Variants in ITGAV observed in about 807,000 individuals in gnomAD.
ITGAV encodes the protein integrin subunit alpha V.
In ITGAV, 76 loss-of-function variants were observed where a neutral mutation model predicts 143.8. The observed-to-expected ratio is 0.53, with a 90% CI of 0.44 to 0.64. ITGAV has a LOEUF of 0.64. Among genes scored for constraint, ITGAV ranks in the 30% least tolerant of loss-of-function variants. The pLI is 0.00. For synonymous variants in ITGAV, 453 were observed against 446.7 expected (o/e 1.01, Z -0.18); for missense variants, 1,193 against 1,274.7 (o/e 0.94, Z 0.98).
At chr2:186,663,963 C>T in intron 19 of ITGAV, 128 bp downstream of exon 19, 1 of 640,162 alleles carries the variant, frequency 1.6e-6, no homozygotes, top group Non-Finnish European at 2.7e-6. Context: ...TTTTCTATAA[C>T]ACTAAAACTA....
At chr2:186,592,042 G>C (rs1456504225) in intron 1 of ITGAV, among the ~76,000 whole-genome samples, 1 of 152,168 alleles carries the variant, frequency 6.6e-6, no homozygotes, top group East Asian at 1.9e-4. Context: ...ACCTTCATGA[G>C]ACAGAACATT....
chr2:186,603,403 TA>T (rs1686967956), intron 2 of ITGAV, among the ~76,000 whole-genome samples: 1 of 152,188 alleles, frequency 6.6e-6, no homozygotes, highest in Non-Finnish European at 1.5e-5. Flanking sequence ...AAATGATTGT[TA>T]GTCATTAAGC....
intron 5 of ITGAV, among the ~76,000 whole-genome samples, chr2:186,631,196 A>G (rs1016333858): frequency 6.6e-6 from 1 of 152,150 alleles, no homozygotes; most frequent in Non-Finnish European, 1.5e-5. Context: ...ATTTTTAATT[A>G]AAGTTGTTTT....
chr2:186,649,937 G>T, intron 14 of ITGAV, 52 bp downstream of exon 14: 6 of 1,193,224 alleles, frequency 5.0e-6, no homozygotes, highest in South Asian at 4.6e-5. Flanking sequence ...TTATTTGAAC[G>T]TTTTTTAATT....
Position 186,666,731 on chromosome 2 carries a change from C to A in ITGAV, c.2194C>A (p.His732Asn). The A allele has an allele frequency of 6.3e-7, 1 of 1,586,232 alleles. No individual in the cohort carries two copies. The highest frequency in any genetic ancestry group is 8.6e-7 in the Non-Finnish European group (1 of 1,168,730). Residue 732 changes from histidine (H) to asparagine (N), a missense_variant, in exon 22 of 30, where the codon CAC becomes AAC. Coordinates refer to ENST00000261023, the MANE Select transcript of ITGAV (RefSeq NM_002210.5). ...QLLAGLRFSV[H>N]QQSEMDTSVK... is the part of the protein sequence containing the mutation. ...CTTAGCTGGTCTTCGTTTCAGTGTG[C>A]ACCAGCAGTCAGAGATGGATACTTC...
rs1165065296 is a variant in ITGAV, at chr2:186,677,536, G to A, written c.*244G>A. ...TTAAATAATAAAATTTCAAGGGATA[G>A]TTTTTATTCAATGTATATAAGACAG... On this transcript the variant is annotated 3_prime_UTR_variant, in exon 30 of 30. Coordinates refer to ENST00000261023, the MANE Select transcript of ITGAV (RefSeq NM_002210.5). The A allele has an allele frequency of 2.6e-6, 1 of 389,248 alleles. No individual in the cohort carries two copies. The highest frequency in any genetic ancestry group is 4.7e-6 in the Non-Finnish European group (1 of 211,894). The allele number at this position is 389,248 out of a possible 1,614,324, so 24.1% of individuals were successfully genotyped here.
rs759704531 is a variant in ITGAV at position 186,625,470 on chromosome 2, T to C, written c.409-3T>C. ...GTGTCGTGGACTAAACCTTTGATTT[T>C]AGGCCTGTGCCCCATTGTACCATTG... On this transcript the variant is annotated splice_region_variant and splice_polypyrimidine_tract_variant and intron_variant, in intron 3 of 29. Transcript: ENST00000261023. The C allele has an allele frequency of 6.2e-7, 1 of 1,605,350 alleles. No homozygotes were observed. The highest frequency in any genetic ancestry group is 1.1e-5 in the South Asian group (1 of 90,626).
chr2:186,595,448 C>G (rs1686724618), intron 1 of ITGAV, among the ~76,000 whole-genome samples: 1 of 152,182 alleles, frequency 6.6e-6, no homozygotes, highest in African/African-American at 2.4e-5. Flanking sequence ...AGCCTCTTGT[C>G]TGTCTCCCTC....
rs1307810543 is a variant in ITGAV at position 186,622,670 on chromosome 2, G to A, written c.408+240G>A. Among the ~76,000 whole-genome samples the A allele has an allele frequency of 5.9e-5, 9 of 152,102 alleles. No individual in the cohort carries two copies. In the East Asian group the frequency reaches 1.7e-3, roughly 29 times the overall value. ...CTACTTTGTTTTACCTGCCCCACTT[G>A]ACAGTTCCTATCAGTTTATTTCCAC... is the stretch of plus-strand genomic sequence containing the variant. On this transcript the variant is annotated intron_variant, in intron 3 of 29. Transcript: ENST00000261023.
At chr2:186,658,207 A>C (rs945735786) in intron 17 of ITGAV, among the ~76,000 whole-genome samples, 3 of 152,188 alleles carry the variant, frequency 2.0e-5, no homozygotes, top group Admixed American at 6.5e-5. Context: ...TTAAAGAAGA[A>C]ATATGTGACT....
chr2:186,593,670 A>G (rs1686672455), intron 1 of ITGAV, among the ~76,000 whole-genome samples: 1 of 151,916 alleles, frequency 6.6e-6, no homozygotes, highest in African/African-American at 2.4e-5. Flanking sequence ...ATCTCATTTC[A>G]TTCTATAGCC....
chr2:186,615,555 G>C (rs1209024204), intron 2 of ITGAV, among the ~76,000 whole-genome samples: 1 of 151,984 alleles, frequency 6.6e-6, no homozygotes, highest in East Asian at 1.9e-4. Context: ...ACCCGATGAT[G>C]AATAATGTTG....
chr2:186,612,102 T>C (rs1275827000), intron 2 of ITGAV, among the ~76,000 whole-genome samples: 6 of 152,240 alleles, frequency 3.9e-5, no homozygotes, highest in Non-Finnish European at 5.9e-5. Flanking sequence ...AAGATAATTG[T>C]GGATATTCTT....
intron 1 of ITGAV, among the ~76,000 whole-genome samples, chr2:186,596,334 A>T (rs1225344525): frequency 6.6e-6 from 1 of 152,194 alleles, no homozygotes; most frequent in Non-Finnish European, 1.5e-5. Flanking sequence ...CTGGTCTGTC[A>T]GTTCTCTTAC....
At chr2:186,652,610 C>T (rs971738285) in intron 15 of ITGAV, among the ~76,000 whole-genome samples, 8 of 152,006 alleles carry the variant, frequency 5.3e-5, no homozygotes, top group South Asian at 2.1e-4. Context: ...AAGAATTATG[C>T]GTGGTCAATG....
At chr2:186,652,794 T>G (rs1425752992) in intron 15 of ITGAV, among the ~76,000 whole-genome samples, 1 of 152,146 alleles carries the variant, frequency 6.6e-6, no homozygotes, top group Non-Finnish European at 1.5e-5. Flanking sequence ...TTTCTGCTTA[T>G]TCCTTTACTA....
At chr2:186,639,369 A>T (rs1272341179) in intron 10 of ITGAV, among the ~76,000 whole-genome samples, 1 of 152,314 alleles carries the variant, frequency 6.6e-6, no homozygotes, top group East Asian at 1.9e-4. Flanking sequence ...GACTAGACTC[A>T]TGGTCCCCAG....
chr2:186,612,955 T>C (rs1243464760), intron 2 of ITGAV, among the ~76,000 whole-genome samples: 2 of 152,226 alleles, frequency 1.3e-5, no homozygotes, highest in African/African-American at 4.8e-5. Flanking sequence ...CACAGAGAGC[T>C]GGTAAGCAAT....
At chr2:186,662,603 G>A (rs1688778556) in intron 18 of ITGAV, among the ~76,000 whole-genome samples, 1 of 152,124 alleles carries the variant, frequency 6.6e-6, no homozygotes, top group South Asian at 2.1e-4. Flanking sequence ...TGAATTATAT[G>A]AATTGTAAAT....
Sources: gnomAD v4.1 joint callset for allele counts (sites outside exome capture counted in the v4.1 genomes callset) on GRCh38, gnomAD v4.1.1 for gene constraint, MANE v1.5 for transcripts, NCBI Gene and HGNC (gene_info 2026-07-23, HGNC 2026-07-21) for gene names.